Variants in FRMD4A observed in about 807,000 individuals in gnomAD.
FRMD4A encodes FERM domain containing 4A, also known as FERM domain-containing protein 4A.
In FRMD4A, 29 loss-of-function variants were observed where a neutral mutation model predicts 129.1. The observed-to-expected ratio is 0.22, with a 90% CI of 0.17 to 0.31. The LOEUF is 0.31. Among genes scored for constraint, FRMD4A ranks in the 10% least tolerant of loss-of-function variants. FRMD4A has a pLI of 1.00. For synonymous variants in FRMD4A, 634 were observed against 571.6 expected (o/e 1.11, Z -1.56); for missense variants, 1,272 against 1,375.8 (o/e 0.92, Z 1.19).
At chr10:14,276,251 A>G (rs756409635) in intron 2 of FRMD4A, among the ~76,000 whole-genome samples, 3 of 152,106 alleles carry the variant, frequency 2.0e-5, no homozygotes, top group Admixed American at 1.3e-4. Context: ...TGCCTGTGAC[A>G]CTGGCCATGA....
intron 2 of FRMD4A, among the ~76,000 whole-genome samples, chr10:14,039,478 C>G (rs1215990627): frequency 1.3e-5 from 2 of 148,434 alleles, no homozygotes; most frequent in African/African-American, 2.5e-5. Context: ...ATCTATCTAT[C>G]TATCTATCTA....
chr10:13,670,385 C>A, intron 17 of FRMD4A, 21 bp downstream of exon 17: 1 of 1,610,564 alleles, frequency 6.2e-7, no homozygotes, highest in Non-Finnish European at 8.5e-7. Flanking sequence ...GAGAATCCAA[C>A]AACAGAAAGG....
intron 2 of FRMD4A, among the ~76,000 whole-genome samples, chr10:14,262,210 T>C (rs1844830190): frequency 1.3e-5 from 2 of 152,168 alleles, no homozygotes; most frequent in African/African-American, 4.8e-5. Flanking sequence ...CAAATTTCTA[T>C]ATGAAAACTG....
At chr10:14,307,880 T>C (rs927188930) in intron 2 of FRMD4A, among the ~76,000 whole-genome samples, 2 of 152,218 alleles carry the variant, frequency 1.3e-5, no homozygotes, top group Non-Finnish European at 2.9e-5. Context: ...CCCTGGGTCC[T>C]AGTTCTTTAC....
chr10:13,970,705 C>G (rs1207382456), intron 2 of FRMD4A, among the ~76,000 whole-genome samples: 1 of 152,182 alleles, frequency 6.6e-6, no homozygotes, highest in African/African-American at 2.4e-5. Context: ...CTGCCTGCGC[C>G]CCCCACTCCC....
intron 3 of FRMD4A, among the ~76,000 whole-genome samples, chr10:13,855,299 T>C (rs949783960): frequency 3.3e-5 from 5 of 152,158 alleles, no homozygotes; most frequent in African/African-American, 1.2e-4. Context: ...TTGGATGCCG[T>C]CAGCTTTCTC....
chr10:14,126,976 C>T (rs1838877932), intron 2 of FRMD4A, among the ~76,000 whole-genome samples: 1 of 152,166 alleles, frequency 6.6e-6, no homozygotes, highest in African/African-American at 2.4e-5. Context: ...ACTCTAGGGT[C>T]ACAACAGTGA....
intron 3 of FRMD4A, among the ~76,000 whole-genome samples, chr10:13,828,771 A>G (rs535252465): frequency 1.1e-4 from 17 of 152,102 alleles, no homozygotes; most frequent in Non-Finnish European, 1.9e-4. Context: ...ACCTCAGGTG[A>G]TCCGCCCGCC....
At chr10:14,039,438 G>T (rs1833678825) in intron 2 of FRMD4A, among the ~76,000 whole-genome samples, 1 of 137,022 alleles carries the variant, frequency 7.3e-6, no homozygotes, top group Non-Finnish European at 1.5e-5. Flanking sequence ...ATCTATATTG[G>T]AACCCCAAAA....
At chr10:14,061,433 A>T (rs974746551) in intron 2 of FRMD4A, among the ~76,000 whole-genome samples, 8 of 152,216 alleles carry the variant, frequency 5.3e-5, no homozygotes, top group African/African-American at 1.7e-4. Context: ...GTGAGACTCC[A>T]TCTCAAAAAA....
At chr10:14,161,109 C>A (rs1156502940) in intron 2 of FRMD4A, among the ~76,000 whole-genome samples, 1 of 152,176 alleles carries the variant, frequency 6.6e-6, no homozygotes, top group African/African-American at 2.4e-5. Flanking sequence ...CACCTGCCAC[C>A]ACACCTGGAT....
intron 2 of FRMD4A, among the ~76,000 whole-genome samples, chr10:14,119,870 C>A (rs56055049): frequency 0.076 from 11,578 of 152,124 alleles, 740 homozygotes; most frequent in African/African-American, 0.18. Flanking sequence ...GTAATGAGTT[C>A]TCCAGGGCAG....
intron 2 of FRMD4A, among the ~76,000 whole-genome samples, chr10:13,887,680 C>CA (rs1397998370): frequency 6.6e-6 from 1 of 152,034 alleles, no homozygotes; most frequent in Non-Finnish European, 1.5e-5. Context: ...AAAACCAAAA[C>CA]AAAAAACAAA....
At chr10:13,965,667 A>G (rs1386095037) in intron 2 of FRMD4A, among the ~76,000 whole-genome samples, 2 of 152,250 alleles carry the variant, frequency 1.3e-5, no homozygotes, top group East Asian at 3.8e-4. Context: ...AAATTCTTCA[A>G]TAATTCTAAA....
At chr10:13,721,481 C>A (rs1588421891) in intron 12 of FRMD4A, among the ~76,000 whole-genome samples, 1 of 150,394 alleles carries the variant, frequency 6.6e-6, no homozygotes, top group African/African-American at 2.4e-5. Flanking sequence ...AACTCTGCCT[C>A]AAAAAAAAAG....
At chr10:13,991,005 T>C (rs1348144124) in intron 2 of FRMD4A, among the ~76,000 whole-genome samples, 1 of 152,102 alleles carries the variant, frequency 6.6e-6, no homozygotes, top group South Asian at 2.1e-4. Flanking sequence ...CCGAGGTGCA[T>C]TCGGAGCCAG....
intron 3 of FRMD4A, among the ~76,000 whole-genome samples, chr10:13,854,306 A>G (rs375071211): frequency 6.6e-6 from 1 of 152,228 alleles, no homozygotes; most frequent in East Asian, 1.9e-4. Context: ...AACGAGACTT[A>G]GGGAGTTCGG....
intron 2 of FRMD4A, among the ~76,000 whole-genome samples, chr10:13,932,493 A>G (rs557582873): frequency 7.9e-5 from 12 of 152,178 alleles, no homozygotes; most frequent in Middle Eastern, 3.2e-3. Context: ...AAGGCGGGGC[A>G]GTCTCTCTTG....
chr10:14,054,789 G>T (rs1486481578), intron 2 of FRMD4A, among the ~76,000 whole-genome samples: 1 of 152,160 alleles, frequency 6.6e-6, no homozygotes, highest in Non-Finnish European at 1.5e-5. Flanking sequence ...GAATCGTGGG[G>T]GCAGGGTTTT....
Sources: gnomAD v4.1 joint callset for allele counts (sites outside exome capture counted in the v4.1 genomes callset) on GRCh38, gnomAD v4.1.1 for gene constraint, MANE v1.5 for transcripts, NCBI Gene and HGNC (gene_info 2026-07-23, HGNC 2026-07-21) for gene names.